The following DDAH1 variants were observed in gnomAD, a reference collection of about 807,000 sequenced individuals.
DDAH1 encodes the protein N(G),N(G)-dimethylarginine dimethylaminohydrolase 1.
DDAH1 carries 19 observed loss-of-function variants against 28.8 expected under a neutral mutation model. The observed-to-expected ratio is 0.66, with a 90% CI of 0.46 to 0.97. DDAH1 has a LOEUF of 0.97. Among genes scored for constraint, DDAH1 ranks in the 50% least tolerant of loss-of-function variants. The pLI is 0.00. For synonymous variants in DDAH1, 153 were observed against 154.4 expected (o/e 0.99, Z 0.07); for missense variants, 326 against 375.9 (o/e 0.87, Z 1.10).
chr1:85,527,249 TGAG>T (rs1475190486), intron 1 of DDAH1, among the ~76,000 whole-genome samples: 1 of 152,114 alleles, frequency 6.6e-6, no homozygotes, highest in Non-Finnish European at 1.5e-5. Flanking sequence ...GGACTCTGGG[TGAG>T]TAAAGCAAGT....
intron 1 of DDAH1, among the ~76,000 whole-genome samples, chr1:85,450,246 T>C (rs1253058901): frequency 6.6e-6 from 1 of 152,266 alleles, no homozygotes; most frequent in East Asian, 1.9e-4. Context: ...ACTTTATGTT[T>C]TGCATGTAGT....
At chr1:85,478,712 T>G (rs747173534) in intron 2 of DDAH1, among the ~76,000 whole-genome samples, 21 of 152,248 alleles carry the variant, frequency 1.4e-4, no homozygotes, top group Admixed American at 5.9e-4. Flanking sequence ...CTTCCTATTG[T>G]GACTTAATGT....
chr1:85,350,624 G>A, intron 3 of DDAH1, 90 bp from the exon 4 acceptor site: 2 of 1,424,246 alleles, frequency 1.4e-6, no homozygotes, highest in Non-Finnish European at 1.9e-6. Flanking sequence ...CCTACTTCTT[G>A]AAGGCTGACA....
intron 1 of DDAH1, among the ~76,000 whole-genome samples, chr1:85,523,616 T>G (rs1240918455): frequency 2.6e-5 from 4 of 152,018 alleles, no homozygotes; most frequent in Non-Finnish European, 4.4e-5. Flanking sequence ...CTTCTTGTAC[T>G]TCAGAGCCTC....
chr1:85,370,636 A>G (rs959033258), intron 1 of DDAH1, among the ~76,000 whole-genome samples: 1 of 152,172 alleles, frequency 6.6e-6, no homozygotes, highest in African/African-American at 2.4e-5. Flanking sequence ...AAGTGTGGTG[A>G]CAGTGGAGAC....
intron 1 of DDAH1, among the ~76,000 whole-genome samples, chr1:85,385,145 A>G (rs1012520636): frequency 6.6e-6 from 1 of 152,176 alleles, no homozygotes; most frequent in African/African-American, 2.4e-5. Context: ...TGCAATATCT[A>G]TTTAAGCTTT....
At chr1:85,568,971 A>T (rs1241475577) in intron 1 of DDAH1, among the ~76,000 whole-genome samples, 1 of 152,206 alleles carries the variant, frequency 6.6e-6, no homozygotes, top group Non-Finnish European at 1.5e-5. Context: ...TGTCATCCTC[A>T]AAGTCAGGGA....
Position 85,494,784 on chromosome 1 carries a change from G to A in DDAH1, c.-7+1382C>T, listed in dbSNP as rs189450939. On this transcript the variant is annotated intron_variant, in intron 2 of 6. Transcript: ENST00000426972. ...GTTCTGCAGATGAAACAAGCACAGA[G>A]GAGGAAGAGAACACACAAGGTCACT... is the stretch of plus-strand genomic sequence containing the variant. 3.3e-5 allele frequency: 5 copies of A among 152,466 alleles called. No homozygotes were observed. In the East Asian group the frequency reaches 9.7e-4, roughly 29 times the overall value. The allele number at this position is 152,466 out of a possible 1,614,324, so 9.4% of individuals were successfully genotyped here. A position where few individuals can be genotyped will look rare whatever the true frequency, so the allele number is the denominator to read the frequency against.
intron 4 of DDAH1, among the ~76,000 whole-genome samples, chr1:85,328,740 A>T (rs1180745670): frequency 6.6e-6 from 1 of 152,228 alleles, no homozygotes; most frequent in Non-Finnish European, 1.5e-5. Context: ...GAACATGTAT[A>T]CACAACCACT....
chr1:85,578,135 G>T, exon 1 of DDAH1: 1 of 304,708 alleles, frequency 3.3e-6, no homozygotes, highest in Non-Finnish European at 4.8e-6. Context: ...GCCTAATGTC[G>T]TCGATTACTA....
chr1:85,340,709 C>T (rs189305071), intron 4 of DDAH1, among the ~76,000 whole-genome samples: 8 of 152,188 alleles, frequency 5.3e-5, no homozygotes, highest in East Asian at 1.9e-4. Context: ...TTATGGGAAC[C>T]GTGCCAGACA....
intron 1 of DDAH1, among the ~76,000 whole-genome samples, chr1:85,548,967 A>C (rs1658709634): frequency 6.6e-6 from 1 of 152,210 alleles, no homozygotes; most frequent in Non-Finnish European, 1.5e-5. Context: ...ATATCTGGGC[A>C]TCGAACTCCT....
rs538457206 is a variant in DDAH1 at position 85,418,771 on chromosome 1, G to A, written c.303+45972C>T. On this transcript the variant is annotated intron_variant, in intron 1 of 5. Coordinates refer to ENST00000284031, the MANE Select transcript of DDAH1 (RefSeq NM_012137.4). ...CATATCCCTGCTTTCCCATCCATTT[G>A]AATTGGTTCCTGGTGCAACAGGAAC... Among the ~76,000 whole-genome samples, 204 of 152,236 alleles carry A rather than the reference G, an allele frequency of 1.3e-3. 1 individual carries two copies. The highest frequency in any genetic ancestry group is 2.1e-3 in the Non-Finnish European group (142 of 68,018).
chr1:85,392,272 T>C (rs1187960856), intron 1 of DDAH1, among the ~76,000 whole-genome samples: 1 of 152,170 alleles, frequency 6.6e-6, no homozygotes, highest in Non-Finnish European at 1.5e-5. Context: ...CATTGTATTA[T>C]CTTGGTATGC....
At chr1:85,462,514 G>A (rs1403180214) in intron 1 of DDAH1, among the ~76,000 whole-genome samples, 1 of 152,140 alleles carries the variant, frequency 6.6e-6, no homozygotes, top group Non-Finnish European at 1.5e-5. Context: ...TTTCACAGTT[G>A]GGAATGCAGA....
At chr1:85,392,677 C>CA (rs1651610396) in intron 1 of DDAH1, among the ~76,000 whole-genome samples, 1 of 151,624 alleles carries the variant, frequency 6.6e-6, no homozygotes, top group Non-Finnish European at 1.5e-5. Flanking sequence ...CCTGTAATCC[C>CA]AGCTACTCGG....
intron 2 of DDAH1, among the ~76,000 whole-genome samples, chr1:85,482,930 A>G (rs576881092): frequency 2.6e-5 from 4 of 152,298 alleles, no homozygotes; most frequent in Non-Finnish European, 4.4e-5. Context: ...GACAACAATA[A>G]AAATGAATTT....
At chr1:85,333,896 CTA>C (rs1436510931) in intron 4 of DDAH1, among the ~76,000 whole-genome samples, 1 of 152,156 alleles carries the variant, frequency 6.6e-6, no homozygotes, top group East Asian at 1.9e-4. Context: ...TTAAAACTCC[CTA>C]AGTCTAGCAA....
intron 4 of DDAH1, among the ~76,000 whole-genome samples, chr1:85,326,909 A>T (rs1388609371): frequency 1.3e-5 from 2 of 152,252 alleles, no homozygotes; most frequent in African/African-American, 4.8e-5. Flanking sequence ...TTTTCTAAGA[A>T]AATTAACAAC....
Sources: gnomAD v4.1 joint callset for allele counts (sites outside exome capture counted in the v4.1 genomes callset) on GRCh38, gnomAD v4.1.1 for gene constraint, MANE v1.5 for transcripts, NCBI Gene and HGNC (gene_info 2026-07-23, HGNC 2026-07-21) for gene names.